TP53BP2: variants seen among roughly 807,000 people sequenced by gnomAD.
TP53BP2 encodes tumor protein p53 binding protein 2.
TP53BP2 carries 62 observed loss-of-function variants against 126.2 expected under a neutral mutation model. The ratio of observed to expected loss-of-function variants is 0.49; its 90% CI spans 0.40 to 0.61. TP53BP2 has a LOEUF of 0.61. TP53BP2 is among the 20% of genes least tolerant of loss of function. The pLI is 0.00. For synonymous variants in TP53BP2, 485 were observed against 502.9 expected, an observed-to-expected ratio of 0.96 and a Z score of 0.48; for missense variants, 1,215 against 1,402.8, an observed-to-expected ratio of 0.87 and a Z score of 2.14.
rs1318513487 is a variant in TP53BP2 at position 223,831,506 on chromosome 1, T to A, written c.28-10139A>T. Among the ~76,000 whole-genome samples the A allele has an allele frequency of 1.2e-3, 157 of 130,798 alleles. 2 individuals carry two copies. The East Asian group carries it at 0.028, about 24-fold the overall frequency. The allele number at this position is 130,798 out of a possible 152,430, so 85.8% of individuals were successfully genotyped here. A position where few individuals can be genotyped will look rare whatever the true frequency, so the allele number is the denominator to read the frequency against. ...ATATATATATATATATATATATATA[T>A]ATATATATATACTGACCTGTATGAA... On this transcript the variant is annotated intron_variant, in intron 1 of 17. Transcript: ENST00000343537.
chr1:223,788,826 C>G (rs559301061), intron 16 of TP53BP2, among the ~76,000 whole-genome samples, 182 bp downstream of exon 16: 57 of 152,306 alleles, frequency 3.7e-4, no homozygotes, highest in Non-Finnish European at 6.8e-4. Flanking sequence ...CTGACAATAG[C>G]TGTTTCTAAG....
Position 223,845,814 on chromosome 1 carries a change from G to A in TP53BP2, c.-134C>T, listed in dbSNP as rs536312837. On this transcript the variant is annotated 5_prime_UTR_variant, in exon 1 of 18. Coordinates refer to ENST00000343537, the MANE Select transcript of TP53BP2 (RefSeq NM_001031685.3). ...GGCGGCGGCGGCAGCGGCGGCGCGC[G>A]GGTCCGAAGGGCCCTCCGCGCGGGC... 4.9e-6 allele frequency: 4 copies of A among 811,058 alleles called. No homozygotes were observed. Among genetic ancestry groups the A allele is most frequent in the Middle Eastern group, 4.2e-4 (1 of 2,364 alleles). 50.2% of individuals were successfully genotyped at this position (811,058 alleles called of 1,614,324 possible).
In TP53BP2 at chr1:223,844,704, G is replaced by C. The variant is rs560670713; in HGVS notation, c.27+950C>G. 1.3e-3 allele frequency among the ~76,000 whole-genome samples: 195 copies of C among 152,104 alleles called. 1 individual carries two copies. The highest frequency in any genetic ancestry group is 2.5e-3 in the Non-Finnish European group (173 of 68,020). On this transcript the variant is annotated intron_variant, in intron 1 of 17. Coordinates refer to ENST00000343537, the MANE Select transcript of TP53BP2 (RefSeq NM_001031685.3). ...GACGCCCTCCATGACACAAGCAGGGGGCCAGGGAACAGCATATTATACTCT... is the reference window on the plus strand; with the variant it reads ...GACGCCCTCCATGACACAAGCAGGGCGCCAGGGAACAGCATATTATACTCT...
At chr1:223,845,578 C>G (rs371197984) in intron 1 of TP53BP2, 76 bp downstream of exon 1, 14 of 1,442,764 alleles carry the variant, frequency 9.7e-6, no homozygotes, top group Non-Finnish European at 5.5e-6. Flanking sequence ...CCGACGCGCC[C>G]GAGGGCGCGG....
At position 223,793,394 on chromosome 1, in the gene TP53BP2, T is replaced by A; in HGVS notation, c.2771A>T (p.His924Leu). ...GGGGTTGAATTTCACCCTCATTCCATGAGCGATACGCTCTGAGCCAGTTTT... is the reference window on the plus strand; with the variant it reads ...GGGGTTGAATTTCACCCTCATTCCAAGAGCGATACGCTCTGAGCCAGTTTT... Reference protein sequence around the residue: ...LRKTGSERIAHGMRVKFNPLA... With the variant: ...LRKTGSERIALGMRVKFNPLA... The change falls in exon 14 of 18, where the codon CAT (histidine) becomes CTT (leucine). Residue 924 changes from histidine (H) to leucine (L), a missense_variant. This residue lies in a region of TP53BP2 where 204 missense variants were observed against 225.7 expected (regional missense o/e 0.90). Transcript: ENST00000343537. 1 of 1,609,506 alleles carries A rather than the reference T, an allele frequency of 6.2e-7. No individual in the cohort carries two copies. The highest frequency in any genetic ancestry group is 8.5e-7 in the Non-Finnish European group (1 of 1,178,236).
intron 16 of TP53BP2, among the ~76,000 whole-genome samples, chr1:223,784,931 T>A (rs1211325906): frequency 6.6e-6 from 1 of 152,228 alleles, no homozygotes; most frequent in East Asian, 1.9e-4. Context: ...TTAAAAGATG[T>A]CGAAATCCTC....
intron 16 of TP53BP2, among the ~76,000 whole-genome samples, chr1:223,788,704 C>T (rs1194882749): frequency 6.6e-6 from 1 of 152,120 alleles, no homozygotes; most frequent in African/African-American, 2.4e-5. Context: ...TGCAAGGATA[C>T]ACCATCAATC....
At position 223,780,600 on chromosome 1, in the gene TP53BP2, A is replaced by C; in HGVS notation, c.*253T>G. On this transcript the variant is annotated 3_prime_UTR_variant, in exon 18 of 18. Coordinates refer to ENST00000343537, the MANE Select transcript of TP53BP2 (RefSeq NM_001031685.3). ...AAAACAGGATTGTCGCTGTATACTT[A>C]TCTGAGTGCTACACGGGACACCTTT... The C allele has an allele frequency of 2.2e-6, 1 of 463,400 alleles. No homozygotes were observed. Among genetic ancestry groups the C allele is most frequent in the Non-Finnish European group, 3.8e-6 (1 of 259,772 alleles). 28.7% of individuals were successfully genotyped at this position (463,400 alleles called of 1,614,324 possible).
At chr1:223,838,798 A>T (rs1356243024) in intron 1 of TP53BP2, among the ~76,000 whole-genome samples, 1 of 152,126 alleles carries the variant, frequency 6.6e-6, no homozygotes, top group African/African-American at 2.4e-5. Flanking sequence ...TACAAAAGCT[A>T]ATTATCACAC....
chr1:223,830,704 T>C (rs943059062), intron 1 of TP53BP2, among the ~76,000 whole-genome samples: 4 of 152,220 alleles, frequency 2.6e-5, no homozygotes, highest in East Asian at 1.9e-4. Context: ...AGAAGGACTA[T>C]GTCCAGCCAC....
intron 1 of TP53BP2, among the ~76,000 whole-genome samples, chr1:223,845,082 G>A (rs926767385): frequency 5.3e-5 from 8 of 152,128 alleles, no homozygotes; most frequent in Admixed American, 1.3e-4. Flanking sequence ...AAAAGCTGTG[G>A]GAAACGAAGG....
chr1:223,811,147 G>T (rs936511604), intron 3 of TP53BP2, among the ~76,000 whole-genome samples: 1 of 152,140 alleles, frequency 6.6e-6, no homozygotes, highest in East Asian at 1.9e-4. Context: ...TGGCTAAAAA[G>T]AATTTTTAAA....
At chr1:223,837,092 T>C (rs1663945047) in intron 1 of TP53BP2, among the ~76,000 whole-genome samples, 1 of 137,876 alleles carries the variant, frequency 7.3e-6, no homozygotes, top group South Asian at 2.3e-4. Context: ...TTGATTTTCC[T>C]AGGTCACTCG....
rs111942003 is a variant in TP53BP2, at chr1:223,809,175, G to C, written c.372+1256C>G. 1.5e-3 allele frequency among the ~76,000 whole-genome samples: 229 copies of C among 152,086 alleles called. 2 individuals carry two copies. Among genetic ancestry groups the C allele is most frequent in the African/African-American group, 5.3e-3 (220 of 41,446 alleles). On this transcript the variant is annotated intron_variant, in intron 4 of 17. Coordinates refer to ENST00000343537, the MANE Select transcript of TP53BP2 (RefSeq NM_001031685.3). Reference sequence around the variant, plus strand: ...CTCATGCCTCAGCCTCTAGTTGGTGGAGGAGAAGATACATTGTGTCCATAT... The same window carrying C: ...CTCATGCCTCAGCCTCTAGTTGGTGCAGGAGAAGATACATTGTGTCCATAT...
chr1:223,809,279 A>G (rs1662829659), intron 4 of TP53BP2, among the ~76,000 whole-genome samples: 2 of 152,166 alleles, frequency 1.3e-5, no homozygotes, highest in African/African-American at 4.8e-5. Context: ...ATTAAATCAA[A>G]GAAAAGCTCA....
At position 223,803,945 on chromosome 1, in the gene TP53BP2, C is replaced by T. The variant is rs573138530; in HGVS notation, c.649+229G>A. On this transcript the variant is annotated intron_variant, in intron 6 of 17. Transcript: ENST00000343537. ...GAATTCAATTCAGAGGAACCTGCAGCATCAAAACTGCAGTAAATTATATTT... is the reference window on the plus strand; with the variant it reads ...GAATTCAATTCAGAGGAACCTGCAGTATCAAAACTGCAGTAAATTATATTT... 7.4e-4 allele frequency among the ~76,000 whole-genome samples: 113 copies of T among 152,278 alleles called. No homozygotes were observed. The South Asian group carries it at 0.022, about 30-fold the overall frequency.
At chr1:223,822,419 A>G (rs1663342553) in intron 1 of TP53BP2, among the ~76,000 whole-genome samples, 1 of 152,070 alleles carries the variant, frequency 6.6e-6, no homozygotes, top group African/African-American at 2.4e-5. Flanking sequence ...TAATCCCAAC[A>G]CTTTGGGAGG....
chr1:223,789,936 TA>T (rs1662092271), intron 15 of TP53BP2, among the ~76,000 whole-genome samples: 1 of 152,036 alleles, frequency 6.6e-6, no homozygotes, highest in South Asian at 2.1e-4. Flanking sequence ...ACATAAGATT[TA>T]GTTTCTTTAC....
intron 17 of TP53BP2, among the ~76,000 whole-genome samples, chr1:223,782,465 G>A (rs189710461): frequency 2.6e-5 from 4 of 152,288 alleles, no homozygotes; most frequent in African/African-American, 9.6e-5. Flanking sequence ...AAAGAGAACA[G>A]CCTTTATATT....
Sources: gnomAD v4.1 joint callset for allele counts (sites outside exome capture counted in the v4.1 genomes callset) on GRCh38, gnomAD v4.1.1 for gene constraint, gnomAD v4.1.1 regional missense constraint, MANE v1.5 for transcripts, NCBI Gene and HGNC (gene_info 2026-07-23, HGNC 2026-07-21) for gene names.